The following PABPC4L variants were observed in gnomAD, a reference collection of about 807,000 sequenced individuals.
PABPC4L encodes polyadenylate-binding protein 4-like.
For missense variants in PABPC4L, 452 were observed against 451.4 expected (o/e 1.00, Z -0.01); for synonymous variants, 169 against 164.1 (o/e 1.03, Z -0.23).
chr4:133,957,575 G>T, the PABPC4L span, among the ~76,000 whole-genome samples: 34 of 152,272 alleles, frequency 2.2e-4, no homozygotes, highest in Middle Eastern at 3.4e-3. Context: ...GCCCCACTAG[G>T]CAGTGCCCCA....
chr4:134,180,814 C>T, the PABPC4L span, among the ~76,000 whole-genome samples: 1 of 151,774 alleles, frequency 6.6e-6, no homozygotes. Context: ...CATACAGCCT[C>T]CCAAGTTTGA....
chr4:133,994,472 G>A, the PABPC4L span, among the ~76,000 whole-genome samples: 14 of 152,130 alleles, frequency 9.2e-5, no homozygotes, highest in East Asian at 5.8e-4. Flanking sequence ...TCTTCCCTCC[G>A]AATCCCAACA....
At chr4:134,079,575 T>C in the PABPC4L span, among the ~76,000 whole-genome samples, 1 of 52,116 alleles carries the variant, frequency 1.9e-5, no homozygotes, top group Admixed American at 3.1e-4. Flanking sequence ...CAAGACTTCC[T>C]CTCAAAAAAA....
At chr4:134,105,107 T>A in the PABPC4L span, among the ~76,000 whole-genome samples, 1 of 151,794 alleles carries the variant, frequency 6.6e-6, no homozygotes, top group Non-Finnish European at 1.5e-5. Flanking sequence ...TGTCAATGAA[T>A]CACAGTGACA....
chr4:134,024,861 C>G, the PABPC4L span, among the ~76,000 whole-genome samples: 3 of 148,434 alleles, frequency 2.0e-5, no homozygotes, highest in Admixed American at 2.0e-4. Context: ...ACTTGAACTC[C>G]TAGGCTCAAA....
At chr4:133,970,527 T>C in the PABPC4L span, among the ~76,000 whole-genome samples, 1 of 152,230 alleles carries the variant, frequency 6.6e-6, no homozygotes, top group African/African-American at 2.4e-5. Flanking sequence ...ATTAAATATG[T>C]TCCTAGTTAA....
chr4:133,980,157 A>G, the PABPC4L span, among the ~76,000 whole-genome samples: 2 of 152,160 alleles, frequency 1.3e-5, no homozygotes, highest in African/African-American at 4.8e-5. Flanking sequence ...ACTACCTGTC[A>G]AAGTGTCTTA....
At chr4:134,040,879 C>T in the PABPC4L span, among the ~76,000 whole-genome samples, 2 of 151,796 alleles carry the variant, frequency 1.3e-5, no homozygotes, top group Non-Finnish European at 1.5e-5. Context: ...TTTACAACAA[C>T]AAAGAAACAA....
chr4:134,111,086 G>A, the PABPC4L span, among the ~76,000 whole-genome samples: 3 of 152,000 alleles, frequency 2.0e-5, no homozygotes, highest in East Asian at 3.9e-4. Flanking sequence ...GGTGCCAGTA[G>A]TTTCAGTTAT....
In PABPC4L at chr4:134,199,997, AGAG is replaced by A. The variant is rs1275198687; in HGVS notation, c.1020_1022del (p.Ser341del). ...TCATTGCTTTAGTAGCATCCTCAGG[AGAG>A]GAGAAGCAGATCAAGCCAAACCCTT... On this transcript the variant is annotated inframe_deletion, in exon 2 of 2. Coordinates refer to ENST00000421491, the MANE Select transcript of PABPC4L (RefSeq NM_001114734.2). 20 of 1,551,652 alleles carry A rather than the reference AGAG, an allele frequency of 1.3e-5. No individual in the cohort carries two copies. The highest frequency in any genetic ancestry group is 1.7e-5 in the Non-Finnish European group (20 of 1,146,948).
the PABPC4L span, among the ~76,000 whole-genome samples, chr4:134,070,792 G>C: frequency 6.6e-6 from 1 of 152,138 alleles, no homozygotes; most frequent in East Asian, 1.9e-4. Context: ...CAGTTGGGCA[G>C]CTGCAGCTTC....
the PABPC4L span, among the ~76,000 whole-genome samples, chr4:134,161,820 G>GA: frequency 6.6e-6 from 1 of 151,946 alleles, no homozygotes; most frequent in African/African-American, 2.4e-5. Context: ...ATATTTCATA[G>GA]AAAAAACAAA....
chr4:134,079,418 A>AG, the PABPC4L span, among the ~76,000 whole-genome samples: 2 of 149,486 alleles, frequency 1.3e-5, no homozygotes, highest in Admixed American at 1.3e-4. Context: ...ATCTTTACTA[A>AG]AAAAAAATAA....
At chr4:134,122,360 TA>T in the PABPC4L span, among the ~76,000 whole-genome samples, 1 of 151,936 alleles carries the variant, frequency 6.6e-6, no homozygotes, top group Admixed American at 6.6e-5. Flanking sequence ...TTAAGTAACT[TA>T]AAAATTATTT....
chr4:134,150,966 C>A, the PABPC4L span, among the ~76,000 whole-genome samples: 1 of 151,920 alleles, frequency 6.6e-6, no homozygotes, highest in Non-Finnish European at 1.5e-5. Context: ...ATACATGAAC[C>A]GAAGTAAAAC....
At chr4:134,129,759 G>T in the PABPC4L span, among the ~76,000 whole-genome samples, 1 of 151,800 alleles carries the variant, frequency 6.6e-6, no homozygotes, top group Admixed American at 6.6e-5. Flanking sequence ...AAGTTCATAG[G>T]ATTAAATGCC....
chr4:134,189,474 C>T, the PABPC4L span, among the ~76,000 whole-genome samples: 1 of 151,906 alleles, frequency 6.6e-6, no homozygotes, highest in South Asian at 2.1e-4. Context: ...GGTATACATA[C>T]ATGTACATAC....
the PABPC4L span, among the ~76,000 whole-genome samples, chr4:133,997,385 C>T: frequency 6.6e-6 from 1 of 151,952 alleles, no homozygotes; most frequent in African/African-American, 2.4e-5. Context: ...ACCTGGTCAC[C>T]TAATGGCTCT....
chr4:134,148,424 T>C, the PABPC4L span, among the ~76,000 whole-genome samples: 1 of 152,110 alleles, frequency 6.6e-6, no homozygotes, highest in South Asian at 2.1e-4. Flanking sequence ...TTAGCTCTGC[T>C]TTTTTAGTGG....
Sources: allele counts gnomAD v4.1 joint callset (sites outside exome capture counted in the v4.1 genomes callset), GRCh38; gene constraint gnomAD v4.1.1; transcripts MANE v1.5; gene names NCBI Gene and HGNC (gene_info 2026-07-23, HGNC 2026-07-21).